The following CNTNAP2 variants were observed in gnomAD, a reference collection of about 807,000 sequenced individuals.
The protein encoded by CNTNAP2 is contactin associated protein 2, also known as contactin-associated protein-like 2.
In CNTNAP2, 98 loss-of-function variants were observed where a neutral mutation model predicts 155.2. The ratio of observed to expected loss-of-function variants is 0.63; its 90% CI spans 0.54 to 0.75. The LOEUF (loss-of-function observed/expected upper bound fraction) is 0.75. Among genes scored for constraint, CNTNAP2 ranks in the 30% least tolerant of loss-of-function variants. CNTNAP2 has a pLI of 0.00. For synonymous variants in CNTNAP2, 651 were observed against 631.2 expected (o/e 1.03, Z -0.47); for missense variants, 1,727 against 1,688.1 (o/e 1.02, Z -0.40).
intron 15 of CNTNAP2, among the ~76,000 whole-genome samples, chr7:148,050,932 T>C (rs773304858): frequency 2.0e-5 from 3 of 152,218 alleles, no homozygotes; most frequent in African/African-American, 4.8e-5. Context: ...AGGTATGTAG[T>C]AGGCTATACA....
At chr7:146,976,461 C>T (rs1373347542) in intron 3 of CNTNAP2, among the ~76,000 whole-genome samples, 2 of 152,184 alleles carry the variant, frequency 1.3e-5, no homozygotes, top group African/African-American at 4.8e-5. Context: ...GGGATCCCAC[C>T]ACCTCCTCCT....
Position 147,232,984 on chromosome 7 carries a change from C to T in CNTNAP2, c.1349-67157C>T, listed in dbSNP as rs73742503. Among the ~76,000 whole-genome samples, 1,176 of 152,220 alleles carry T rather than the reference C, an allele frequency of 7.7e-3. 16 individuals are homozygous for T. Among genetic ancestry groups the T allele is most frequent in the African/African-American group, 0.027 (1,120 of 41,538 alleles). Reference sequence around the variant, plus strand: ...GTTCTATTATTTCTGTATTTATGAACAAATTGGACAAACTATTATCTTCCA... The same window carrying T: ...GTTCTATTATTTCTGTATTTATGAATAAATTGGACAAACTATTATCTTCCA... On this transcript the variant is annotated intron_variant, in intron 8 of 23. Coordinates refer to ENST00000361727, the MANE Select transcript of CNTNAP2 (RefSeq NM_014141.6).
intron 1 of CNTNAP2, among the ~76,000 whole-genome samples, chr7:146,498,333 T>C (rs1170801367): frequency 6.6e-6 from 1 of 152,126 alleles, no homozygotes; most frequent in Non-Finnish European, 1.5e-5. Context: ...GAGAGAAACA[T>C]CAAAATTTCC....
chr7:148,229,957 A>G (rs1468399170), intron 20 of CNTNAP2, among the ~76,000 whole-genome samples, 178 bp downstream of exon 20: 1 of 152,252 alleles, frequency 6.6e-6, no homozygotes, highest in African/African-American at 2.4e-5. Context: ...ACAAGGAAAG[A>G]CAATGATGAA....
intron 22 of CNTNAP2, among the ~76,000 whole-genome samples, chr7:148,400,595 A>G (rs556071897): frequency 2.0e-4 from 31 of 152,288 alleles, no homozygotes; most frequent in African/African-American, 6.5e-4. Context: ...TAGTGTGGTA[A>G]ATACCTACAT....
intron 18 of CNTNAP2, among the ~76,000 whole-genome samples, chr7:148,194,802 C>T (rs996808735): frequency 2.0e-5 from 3 of 152,150 alleles, no homozygotes; most frequent in Non-Finnish European, 2.9e-5. Flanking sequence ...TTCCATCTGG[C>T]CCCTCAATGG....
chr7:147,001,461 T>C (rs1476088329), intron 3 of CNTNAP2, among the ~76,000 whole-genome samples: 1 of 152,090 alleles, frequency 6.6e-6, no homozygotes, highest in Non-Finnish European at 1.5e-5. Context: ...GTAATAAATA[T>C]TGGTTTAAAG....
At chr7:146,473,143 C>T (rs1204240633) in intron 1 of CNTNAP2, among the ~76,000 whole-genome samples, 5 of 151,930 alleles carry the variant, frequency 3.3e-5, no homozygotes, top group African/African-American at 2.4e-5. Flanking sequence ...TCTGAAGGAA[C>T]GTCTACAGGC....
intron 1 of CNTNAP2, among the ~76,000 whole-genome samples, chr7:146,581,301 G>T (rs1798607293): frequency 6.6e-6 from 1 of 151,930 alleles, no homozygotes; most frequent in Non-Finnish European, 1.5e-5. Context: ...TCTCCAACAG[G>T]TGATAGAAAG....
intron 13 of CNTNAP2, among the ~76,000 whole-genome samples, chr7:147,668,790 A>C (rs1037676424): frequency 1.3e-5 from 2 of 150,676 alleles, no homozygotes; most frequent in African/African-American, 2.4e-5. Flanking sequence ...ATCAAAGAGA[A>C]AAGTTTTCTA....
intron 1 of CNTNAP2, among the ~76,000 whole-genome samples, chr7:146,593,071 G>T (rs779039936): frequency 6.6e-6 from 1 of 151,884 alleles, no homozygotes; most frequent in Admixed American, 6.6e-5. Context: ...GACCAAGACT[G>T]CTCCCTTCCA....
intron 1 of CNTNAP2, among the ~76,000 whole-genome samples, chr7:146,140,530 C>T (rs117384246): frequency 6.6e-6 from 1 of 152,046 alleles, no homozygotes; most frequent in African/African-American, 2.4e-5. Context: ...TATATTAATT[C>T]TCATTCTTAG....
At chr7:146,165,878 T>G (rs1414136135) in intron 1 of CNTNAP2, among the ~76,000 whole-genome samples, 1 of 152,210 alleles carries the variant, frequency 6.6e-6, no homozygotes, top group Non-Finnish European at 1.5e-5. Flanking sequence ...TCCCAACATG[T>G]ATTTTAATGG....
intron 9 of CNTNAP2, among the ~76,000 whole-genome samples, chr7:147,362,881 G>A (rs1443089010): frequency 6.6e-6 from 1 of 152,040 alleles, no homozygotes; most frequent in African/African-American, 2.4e-5. Flanking sequence ...AAATACAGAA[G>A]TTAATAAAAA....
chr7:147,118,464 A>G (rs1489420209), intron 5 of CNTNAP2, among the ~76,000 whole-genome samples: 1 of 152,352 alleles, frequency 6.6e-6, no homozygotes, highest in Admixed American at 6.5e-5. Context: ...TATAATATTA[A>G]GTAAAACTTG....
chr7:146,358,883 T>TC (rs1308313926), intron 1 of CNTNAP2, among the ~76,000 whole-genome samples: 1 of 152,016 alleles, frequency 6.6e-6, no homozygotes, highest in Non-Finnish European at 1.5e-5. Flanking sequence ...GGGAAGGAGG[T>TC]CTTGGATTCT....
intron 12 of CNTNAP2, among the ~76,000 whole-genome samples, chr7:147,585,065 T>C (rs928655108): frequency 4.6e-5 from 7 of 152,164 alleles, no homozygotes; most frequent in Non-Finnish European, 1.5e-5. Context: ...GCCTTCTGTC[T>C]GCACTTTCCT....
intron 12 of CNTNAP2, among the ~76,000 whole-genome samples, chr7:147,569,142 A>G (rs1800233357): frequency 3.3e-5 from 5 of 152,220 alleles, no homozygotes; most frequent in Admixed American, 3.3e-4. Flanking sequence ...AAATTCTATT[A>G]TCCTCTCTAA....
At chr7:147,808,618 T>C (rs1386882559) in intron 13 of CNTNAP2, among the ~76,000 whole-genome samples, 2 of 152,240 alleles carry the variant, frequency 1.3e-5, no homozygotes, top group Non-Finnish European at 1.5e-5. Flanking sequence ...TTGCCTCCAA[T>C]GTTACTTCTC....
Sources: allele counts gnomAD v4.1 joint callset (sites outside exome capture counted in the v4.1 genomes callset), GRCh38; gene constraint gnomAD v4.1.1; transcripts MANE v1.5; gene names NCBI Gene and HGNC (gene_info 2026-07-23, HGNC 2026-07-21).